The following IGF1R variants were observed in gnomAD, a reference collection of about 807,000 sequenced individuals.
IGF1R encodes the protein insulin like growth factor 1 receptor.
Under a neutral mutation model 144.6 loss-of-function variants are expected in IGF1R, and 44 were observed. That is an observed-to-expected ratio of 0.30 (90% CI 0.24 to 0.39). The LOEUF is 0.39. Among genes scored for constraint, IGF1R ranks in the 10% least tolerant of loss-of-function variants. The probability of loss-of-function intolerance (pLI) is 1.00; values close to 1 mark genes in which losing one functional copy is unlikely to be tolerated. For synonymous variants in IGF1R, 795 were observed against 722.8 expected, an observed-to-expected ratio of 1.10 and a Z score of -1.60; for missense variants, 1,355 against 1,833.7, an observed-to-expected ratio of 0.74 and a Z score of 4.77.
At chr15:98,859,804 A>T (rs1021125346) in intron 2 of IGF1R, among the ~76,000 whole-genome samples, 4 of 152,234 alleles carry the variant, frequency 2.6e-5, no homozygotes, top group African/African-American at 9.6e-5. Flanking sequence ...TTTCTTCAAT[A>T]AAGAGAAAGA....
chr15:98,730,619 A>G (rs902548969), intron 2 of IGF1R, among the ~76,000 whole-genome samples: 1 of 152,130 alleles, frequency 6.6e-6, no homozygotes, highest in African/African-American at 2.4e-5. Flanking sequence ...TCCCTCCTTC[A>G]TGGCTACCCC....
At chr15:98,811,055 C>G (rs899508611) in intron 2 of IGF1R, among the ~76,000 whole-genome samples, 6 of 151,794 alleles carry the variant, frequency 4.0e-5, no homozygotes, top group African/African-American at 1.4e-4. Context: ...AATCCCAGCA[C>G]TTTGAGAGGC....
intron 2 of IGF1R, among the ~76,000 whole-genome samples, chr15:98,787,427 G>A (rs973234515): frequency 3.3e-5 from 5 of 152,178 alleles, no homozygotes; most frequent in African/African-American, 1.2e-4. Context: ...TCCTGAAGGC[G>A]TTGGAGCGTG....
chr15:98,758,081 T>C (rs765204337), intron 2 of IGF1R, among the ~76,000 whole-genome samples: 66 of 152,332 alleles, frequency 4.3e-4, no homozygotes, highest in Non-Finnish European at 8.2e-4. Flanking sequence ...CTCTGTCTTT[T>C]CACTCATGGA....
intron 18 of IGF1R, among the ~76,000 whole-genome samples, chr15:98,940,690 C>T (rs1476066764): frequency 6.6e-6 from 1 of 152,332 alleles, no homozygotes. Context: ...CAGGCGTGAG[C>T]CACCACACCC....
At chr15:98,694,830 C>A (rs1317454790) in intron 1 of IGF1R, among the ~76,000 whole-genome samples, 1 of 152,178 alleles carries the variant, frequency 6.6e-6, no homozygotes, top group Admixed American at 6.5e-5. Flanking sequence ...GGCCGACTTT[C>A]CTGTGGCTTG....
At chr15:98,908,539 CTA>C (rs1230577705) in intron 5 of IGF1R, 144 bp from the exon 6 acceptor site, 1 of 701,964 alleles carries the variant, frequency 1.4e-6, no homozygotes, top group Non-Finnish European at 2.6e-6. Context: ...GTCTGTTCTC[CTA>C]TAGTGTTAAT....
At chr15:98,815,304 G>C (rs1039470642) in intron 2 of IGF1R, among the ~76,000 whole-genome samples, 7 of 152,208 alleles carry the variant, frequency 4.6e-5, no homozygotes, top group African/African-American at 1.7e-4. Context: ...TTTTTAATGG[G>C]AGTTGCTCCT....
chr15:98,812,899 G>C (rs1379386443), intron 2 of IGF1R, among the ~76,000 whole-genome samples: 1 of 152,172 alleles, frequency 6.6e-6, no homozygotes, highest in Admixed American at 6.5e-5. Context: ...GAAATGTACT[G>C]TTGTTGACCA....
At chr15:98,887,837 A>G (rs138320343) in intron 2 of IGF1R, among the ~76,000 whole-genome samples, 8 of 152,246 alleles carry the variant, frequency 5.3e-5, no homozygotes, top group African/African-American at 1.7e-4. Flanking sequence ...TCTGATCATC[A>G]TGTCCCTTGC....
At chr15:98,679,594 T>C (rs541533528) in intron 1 of IGF1R, among the ~76,000 whole-genome samples, 1 of 152,360 alleles carries the variant, frequency 6.6e-6, no homozygotes, top group African/African-American at 2.4e-5. Context: ...TCCAGTCAGA[T>C]GAAAGTGCAG....
chr15:98,825,759 T>C (rs1380677855), intron 2 of IGF1R, among the ~76,000 whole-genome samples: 1 of 152,262 alleles, frequency 6.6e-6, no homozygotes, highest in Non-Finnish European at 1.5e-5. Flanking sequence ...ATAGTTGTTA[T>C]CATGTATTAT....
At chr15:98,650,367 C>G (rs1294724260) in intron 1 of IGF1R, among the ~76,000 whole-genome samples, 1 of 152,224 alleles carries the variant, frequency 6.6e-6, no homozygotes, top group East Asian at 1.9e-4. Context: ...CGTCCCGGGG[C>G]TGGGCGGTGG....
Position 98,963,442 on chromosome 15 carries a change from T to G in IGF1R, c.*6000T>G. On this transcript the variant is annotated 3_prime_UTR_variant, in exon 21 of 21. Transcript: ENST00000650285. ...AGGGGATCATTTTTTACTGGTCATT[T>G]CCCTTTGGAGTGTAGCTACTTTAAC... 1 of 233,318 alleles carries G rather than the reference T, an allele frequency of 4.3e-6. No individual in the cohort carries two copies. The highest frequency in any genetic ancestry group is 8.5e-6 in the Non-Finnish European group (1 of 118,060). The allele number at this position is 233,318 out of a possible 1,614,324, so 14.5% of individuals were successfully genotyped here.
chr15:98,853,532 C>T lies in IGF1R; in HGVS notation c.641-37793C>T, dbSNP rs1237744659. On this transcript the variant is annotated intron_variant, in intron 2 of 20. Transcript: ENST00000650285. ...GTCGGTATTCTAAATGACATCCAGT[C>T]TTGCTTAGTTTTTTAAGAGAAAGGA... Among the ~76,000 whole-genome samples, 5 of 152,158 alleles carry T rather than the reference C, an allele frequency of 3.3e-5. No homozygotes were observed. In the South Asian group the frequency reaches 6.2e-4, roughly 19 times the overall value.
At chr15:98,687,740 C>T (rs141042533) in intron 1 of IGF1R, among the ~76,000 whole-genome samples, 2 of 152,302 alleles carry the variant, frequency 1.3e-5, no homozygotes, top group Non-Finnish European at 2.9e-5. Flanking sequence ...AAAGCATCCC[C>T]AGGTTGTCAT....
At chr15:98,765,695 GA>G (rs1174659250) in intron 2 of IGF1R, among the ~76,000 whole-genome samples, 10 of 152,174 alleles carry the variant, frequency 6.6e-5, no homozygotes, top group Non-Finnish European at 4.4e-5. Flanking sequence ...TCTTTAAAAA[GA>G]AAAATATTCA....
rs369532761 is a variant in IGF1R, at chr15:98,649,516, TTTTC to T, written c.-62_-59del. On this transcript the variant is annotated 5_prime_UTR_variant, in exon 1 of 21. Transcript: ENST00000650285. The stretch of plus-strand genomic sequence containing the variant: ...TGTTTCCTTTCATTTCCTTTTTTTC[TTTTC>T]TTTTCTTTTTTTTTTTTTTTTTTTT... 0.042 allele frequency: 41,771 copies of T among 1,000,936 alleles called. 1,609 individuals carry two copies. Among genetic ancestry groups the T allele is most frequent in the African/African-American group, 0.11 (5,563 of 51,334 alleles). 62.0% of individuals were successfully genotyped at this position (1,000,936 alleles called of 1,614,324 possible). A position where few individuals can be genotyped will look rare whatever the true frequency, so the allele number is the denominator to read the frequency against.
intron 1 of IGF1R, among the ~76,000 whole-genome samples, chr15:98,699,828 A>G (rs1460929262): frequency 6.6e-6 from 1 of 152,132 alleles, no homozygotes; most frequent in African/African-American, 2.4e-5. Flanking sequence ...GCGGCAGTAA[A>G]ACAGTTCACA....
Sources: allele counts gnomAD v4.1 joint callset (sites outside exome capture counted in the v4.1 genomes callset), GRCh38; gene constraint gnomAD v4.1.1; transcripts MANE v1.5; gene names NCBI Gene and HGNC (gene_info 2026-07-23, HGNC 2026-07-21).